The following CTNNA2 variants were observed in gnomAD, a reference collection of about 807,000 sequenced individuals.
The protein encoded by CTNNA2 is catenin alpha-2.
A neutral mutation model predicts 101.0 loss-of-function variants in CTNNA2; 42 were observed. That is an observed-to-expected ratio of 0.42 (90% CI 0.32 to 0.54). CTNNA2 has a LOEUF of 0.54. CTNNA2 is among the 20% of genes least tolerant of loss of function. CTNNA2 has a pLI of 0.14. For synonymous variants in CTNNA2, 450 were observed against 456.4 expected (o/e 0.99, Z 0.18); for missense variants, 871 against 1,223.1 (o/e 0.71, Z 4.29).
chr2:79,790,666 G>T (rs951641), intron 3 of CTNNA2, among the ~76,000 whole-genome samples: 12,553 of 152,218 alleles, frequency 0.082, 780 homozygotes, highest in East Asian at 0.37. Context: ...CAGGTAAATT[G>T]TAAGTAGAAT....
intron 9 of CTNNA2, among the ~76,000 whole-genome samples, chr2:80,440,988 T>C (rs931210425): frequency 3.9e-5 from 6 of 152,224 alleles, no homozygotes. Context: ...GCGGCCACTA[T>C]CTGGAATATG....
rs979121881 is a variant in CTNNA2, at chr2:80,561,187, G to A, written c.1741+5294G>A. Among the ~76,000 whole-genome samples the A allele has an allele frequency of 5.3e-5, 8 of 152,134 alleles. No homozygotes were observed. In the East Asian group the frequency reaches 1.4e-3, roughly 26 times the overall value. On this transcript the variant is annotated intron_variant, in intron 12 of 18. Transcript: ENST00000402739. ...AGATTGATGTCAGAAGGAGGTGGTAGGGGCAGCTTATTGGGAAGACAAACT... is the reference window on the plus strand; with the variant it reads ...AGATTGATGTCAGAAGGAGGTGGTAAGGGCAGCTTATTGGGAAGACAAACT...
At chr2:79,216,766 G>A (rs1385982696) in intron 2 of CTNNA2, among the ~76,000 whole-genome samples, 1 of 151,050 alleles carries the variant, frequency 6.6e-6, no homozygotes, top group Non-Finnish European at 1.5e-5. Context: ...GGGTTGGGGG[G>A]TTCTTGCCCC....
intron 3 of CTNNA2, among the ~76,000 whole-genome samples, chr2:79,330,803 G>T (rs185976661): frequency 6.6e-6 from 1 of 152,136 alleles, no homozygotes; most frequent in African/African-American, 2.4e-5. Flanking sequence ...CACCATGATT[G>T]TGAGGCCTCC....
intron 7 of CTNNA2, among the ~76,000 whole-genome samples, chr2:80,072,581 TG>T (rs1698413289): frequency 6.6e-6 from 1 of 152,168 alleles, no homozygotes; most frequent in Admixed American, 6.5e-5. Context: ...TTTTGGAAGT[TG>T]AAAAGCCCTG....
rs114628939 is a variant in CTNNA2, at chr2:79,636,692, A to G, written c.-5-14860A>G. 7.7e-3 allele frequency among the ~76,000 whole-genome samples: 1,176 copies of G among 152,300 alleles called. 23 individuals are homozygous for G. The highest frequency in any genetic ancestry group is 0.026 in the African/African-American group (1,082 of 41,552). Reference sequence around the variant, plus strand: ...TATATAAATGTATAAGGTGAAAAATATATATAATTTTGAATAATTTTGAAT... The same window carrying G: ...TATATAAATGTATAAGGTGAAAAATGTATATAATTTTGAATAATTTTGAAT... On this transcript the variant is annotated intron_variant, in intron 1 of 18. Transcript: ENST00000402739.
intron 7 of CTNNA2, among the ~76,000 whole-genome samples, chr2:80,193,130 A>G (rs1706625784): frequency 6.6e-6 from 1 of 152,196 alleles, no homozygotes; most frequent in South Asian, 2.1e-4. Context: ...AAAACCCTTG[A>G]CCTTTATCTT....
chr2:80,230,495 C>G (rs1709143346), intron 7 of CTNNA2, among the ~76,000 whole-genome samples: 1 of 151,978 alleles, frequency 6.6e-6, no homozygotes, highest in South Asian at 2.1e-4. Flanking sequence ...ATCTAGGAAT[C>G]CAGGTGTAAG....
At chr2:79,925,877 C>CT (rs5832421) in intron 7 of CTNNA2, among the ~76,000 whole-genome samples, 40 of 150,376 alleles carry the variant, frequency 2.7e-4, no homozygotes, top group African/African-American at 3.9e-4. Context: ...ACATCTAAGA[C>CT]TTTTTTTTTT....
At chr2:80,253,038 G>C (rs1486093583) in intron 7 of CTNNA2, among the ~76,000 whole-genome samples, 2 of 152,048 alleles carry the variant, frequency 1.3e-5, no homozygotes, top group Non-Finnish European at 2.9e-5. Flanking sequence ...TTCTACTCCA[G>C]TCCTTCCTGC....
At chr2:79,236,070 G>A (rs1674553951) in intron 2 of CTNNA2, among the ~76,000 whole-genome samples, 1 of 152,086 alleles carries the variant, frequency 6.6e-6, no homozygotes, top group Admixed American at 6.6e-5. Context: ...GAAACAGGAG[G>A]ATACAGCCAC....
intron 7 of CTNNA2, among the ~76,000 whole-genome samples, chr2:80,199,367 G>A (rs942934075): frequency 6.6e-6 from 1 of 151,544 alleles, no homozygotes; most frequent in African/African-American, 2.4e-5. Flanking sequence ...AGACATAGAG[G>A]GTTTTAAGGA....
intron 2 of CTNNA2, among the ~76,000 whole-genome samples, chr2:79,287,214 C>T (rs1355689000): frequency 1.3e-5 from 2 of 152,342 alleles, no homozygotes; most frequent in Non-Finnish European, 2.9e-5. Flanking sequence ...CCTCCCGTAG[C>T]TCGGAGTAAT....
chr2:80,554,368 C>T (rs1354044018), intron 11 of CTNNA2, among the ~76,000 whole-genome samples: 1 of 152,058 alleles, frequency 6.6e-6, no homozygotes, highest in Non-Finnish European at 1.5e-5. Flanking sequence ...TAACAGGTTA[C>T]TTAAGACTTT....
chr2:79,512,529 G>T (rs1167605632), upstream of CTNNA2, among the ~76,000 whole-genome samples: 3 of 151,878 alleles, frequency 2.0e-5, no homozygotes, highest in Admixed American at 6.6e-5. Flanking sequence ...ACCCCTGCTG[G>T]GCTGGCCCTC....
chr2:80,476,926 A>G (rs1685774974), intron 9 of CTNNA2, among the ~76,000 whole-genome samples: 1 of 152,204 alleles, frequency 6.6e-6, no homozygotes. Flanking sequence ...AGAGATGATT[A>G]TCTGTTAATT....
At chr2:80,589,829 T>G (rs190297993) in intron 15 of CTNNA2, among the ~76,000 whole-genome samples, 51 of 152,196 alleles carry the variant, frequency 3.4e-4, no homozygotes, top group African/African-American at 1.1e-3. Context: ...GTGAATGATT[T>G]GTTAATATAC....
In CTNNA2 at chr2:80,527,780, C is replaced by G. The variant is rs1690166881; in HGVS notation, c.1291-17202C>G. Among the ~76,000 whole-genome samples, 5 of 152,192 alleles carry G rather than the reference C, an allele frequency of 3.3e-5. No homozygotes were observed. In the South Asian group the frequency reaches 1.0e-3, roughly 32 times the overall value. On this transcript the variant is annotated intron_variant, in intron 9 of 18. Transcript: ENST00000402739. ...AGAAGAGAAAGAGGCACTCATTTAC[C>G]TGGAAATACTCTAACTGAATTTAAA...
At chr2:80,538,702 A>C (rs1691263560) in intron 9 of CTNNA2, among the ~76,000 whole-genome samples, 1 of 152,204 alleles carries the variant, frequency 6.6e-6, no homozygotes, top group Non-Finnish European at 1.5e-5. Context: ...TGTCTTGGCT[A>C]TACAGGCTCT....
Sources: gnomAD v4.1 joint callset for allele counts (sites outside exome capture counted in the v4.1 genomes callset) on GRCh38, gnomAD v4.1.1 for gene constraint, MANE v1.5 for transcripts, NCBI Gene and HGNC (gene_info 2026-07-23, HGNC 2026-07-21) for gene names.